The following PTPRM variants were observed in gnomAD, a reference collection of about 807,000 sequenced individuals.
PTPRM encodes protein tyrosine phosphatase receptor type M, also known as receptor-type tyrosine-protein phosphatase mu.
A neutral mutation model predicts 186.7 loss-of-function variants in PTPRM; 47 were observed. The observed-to-expected ratio is 0.25, with a 90% CI of 0.20 to 0.32. The LOEUF (loss-of-function observed/expected upper bound fraction) is 0.32, where lower values mean the gene tolerates loss of function less well. PTPRM is among the 10% of genes least tolerant of loss of function. PTPRM has a pLI of 1.00. For missense variants in PTPRM, 1,494 were observed against 1,865.0 expected, an observed-to-expected ratio of 0.80 and a Z score of 3.66; for synonymous variants, 668 against 674.9, an observed-to-expected ratio of 0.99 and a Z score of 0.16.
At chr18:7,690,183 C>T (rs79201564) in intron 1 of PTPRM, among the ~76,000 whole-genome samples, 1,567 of 152,312 alleles carry the variant, frequency 0.01, 28 homozygotes, top group African/African-American at 0.036. Context: ...TGTTACCATT[C>T]CTGTCTAGAA....
chr18:8,028,636 A>G (rs2085734028), intron 7 of PTPRM, among the ~76,000 whole-genome samples: 1 of 152,312 alleles, frequency 6.6e-6, no homozygotes, highest in South Asian at 2.1e-4. Context: ...CAGTGGCCTT[A>G]ATCAATAAAT....
At position 8,305,030 on chromosome 18, in the gene PTPRM, G is replaced by A. The variant is rs148148155; in HGVS notation, c.2842+8575G>A. 6.4e-3 allele frequency among the ~76,000 whole-genome samples: 981 copies of A among 152,212 alleles called. 6 individuals carry two copies. Among genetic ancestry groups the A allele is most frequent in the African/African-American group, 0.02 (847 of 41,518 alleles). On this transcript the variant is annotated intron_variant, in intron 20 of 32. Coordinates refer to ENST00000580170, the MANE Select transcript of PTPRM (RefSeq NM_001105244.2). ...TGCATACCTACACGTACACCAATGC[G>A]TTTGATTATTTCATGTAAATAGACT...
chr18:8,135,783 C>T (rs1380548087), intron 13 of PTPRM, among the ~76,000 whole-genome samples: 5 of 152,068 alleles, frequency 3.3e-5, no homozygotes, highest in Non-Finnish European at 7.3e-5. Flanking sequence ...GTTCTTAGGC[C>T]CTGTGAAAGT....
intron 1 of PTPRM, among the ~76,000 whole-genome samples, chr18:7,591,604 G>GA (rs1168919205): frequency 2.0e-5 from 3 of 152,102 alleles, no homozygotes; most frequent in Non-Finnish European, 4.4e-5. Flanking sequence ...TTATTTGAGG[G>GA]AAAATAAATG....
intron 1 of PTPRM, among the ~76,000 whole-genome samples, chr18:7,588,352 T>C (rs553371785): frequency 6.6e-5 from 10 of 152,216 alleles, no homozygotes; most frequent in Non-Finnish European, 1.3e-4. Flanking sequence ...TAAATTGTTA[T>C]AGCAGCTAGC....
chr18:7,943,140 C>T (rs2052298374), intron 5 of PTPRM, among the ~76,000 whole-genome samples: 1 of 152,106 alleles, frequency 6.6e-6, no homozygotes, highest in South Asian at 2.1e-4. Context: ...CCCATGCTTC[C>T]TCTCCTGTTG....
chr18:7,815,896 C>T (rs560577911), intron 2 of PTPRM, among the ~76,000 whole-genome samples: 17 of 152,212 alleles, frequency 1.1e-4, no homozygotes, highest in South Asian at 2.1e-4. Flanking sequence ...CATAAGGAAA[C>T]GGCTGCCCTC....
intron 14 of PTPRM, among the ~76,000 whole-genome samples, chr18:8,207,961 C>A (rs1368286349): frequency 1.3e-5 from 2 of 152,098 alleles, no homozygotes; most frequent in African/African-American, 4.8e-5. Flanking sequence ...TATCTGCCAA[C>A]AAATATTCAG....
At chr18:7,720,867 CATTT>C (rs886490252) in intron 1 of PTPRM, among the ~76,000 whole-genome samples, 1 of 151,952 alleles carries the variant, frequency 6.6e-6, no homozygotes, top group African/African-American at 2.4e-5. Context: ...TTTGTCTGTC[CATTT>C]ATTTATCAGT....
intron 14 of PTPRM, among the ~76,000 whole-genome samples, chr18:8,222,451 A>G (rs539992336): frequency 1.2e-4 from 18 of 152,328 alleles, no homozygotes; most frequent in African/African-American, 4.1e-4. Flanking sequence ...TGTCAAGCAT[A>G]TGAGGAAACC....
chr18:8,304,859 A>G (rs1269449237), intron 20 of PTPRM, among the ~76,000 whole-genome samples: 2 of 148,088 alleles, frequency 1.4e-5, no homozygotes, highest in Non-Finnish European at 3.0e-5. Context: ...TTCAATGAGA[A>G]TAGATGTGTT....
chr18:7,687,076 A>T (rs978851731), intron 1 of PTPRM, among the ~76,000 whole-genome samples: 1 of 152,190 alleles, frequency 6.6e-6, no homozygotes, highest in African/African-American at 2.4e-5. Context: ...AACCTCAACT[A>T]ATCTTGTAAT....
intron 11 of PTPRM, among the ~76,000 whole-genome samples, chr18:8,095,822 T>TC (rs1213783756): frequency 6.6e-6 from 1 of 152,164 alleles, no homozygotes; most frequent in Non-Finnish European, 1.5e-5. Flanking sequence ...AAAAATACTG[T>TC]CTGGGGTATT....
In PTPRM at chr18:7,904,282, A is replaced by T. The variant is rs113427073; in HGVS notation, c.469-2223A>T. Reference sequence around the variant, plus strand: ...TTGCCTTCTGTACAATTGTACAAATATGTACAATTTGTTGTGTACAACTTT... The same window carrying T: ...TTGCCTTCTGTACAATTGTACAAATTTGTACAATTTGTTGTGTACAACTTT... On this transcript the variant is annotated intron_variant, in intron 3 of 32. Coordinates refer to ENST00000580170, the MANE Select transcript of PTPRM (RefSeq NM_001105244.2). Among the ~76,000 whole-genome samples the T allele has an allele frequency of 4.1e-3, 617 of 152,302 alleles. 3 individuals are homozygous for T. The highest frequency in any genetic ancestry group is 0.014 in the African/African-American group (595 of 41,560).
intron 1 of PTPRM, among the ~76,000 whole-genome samples, chr18:7,630,375 G>A (rs1423087181): frequency 6.6e-6 from 1 of 152,082 alleles, no homozygotes; most frequent in Non-Finnish European, 1.5e-5. Context: ...GAACAGCCTT[G>A]GATTCCTTGG....
intron 32 of PTPRM, among the ~76,000 whole-genome samples, chr18:8,395,742 C>T (rs935592739): frequency 6.6e-6 from 1 of 152,188 alleles, no homozygotes; most frequent in Non-Finnish European, 1.5e-5. Context: ...CTCCTGCGCC[C>T]CTCCTCCCCA....
intron 7 of PTPRM, among the ~76,000 whole-genome samples, chr18:8,023,127 C>A (rs2147981959): frequency 6.6e-6 from 1 of 152,028 alleles, no homozygotes; most frequent in Admixed American, 6.6e-5. Context: ...AGGACAAGAG[C>A]CAGGGCATTG....
intron 1 of PTPRM, among the ~76,000 whole-genome samples, chr18:7,720,765 G>A (rs1428150173): frequency 2.0e-5 from 3 of 152,028 alleles, no homozygotes; most frequent in African/African-American, 4.8e-5. Flanking sequence ...TTCACTTAGG[G>A]TAATGTCCTT....
intron 20 of PTPRM, among the ~76,000 whole-genome samples, chr18:8,307,083 G>A (rs903836029): frequency 2.0e-5 from 3 of 152,182 alleles, no homozygotes; most frequent in Admixed American, 6.5e-5. Flanking sequence ...GAGAGAGGAC[G>A]CGTAAGAATC....
Sources: allele counts gnomAD v4.1 joint callset (sites outside exome capture counted in the v4.1 genomes callset), GRCh38; gene constraint gnomAD v4.1.1; transcripts MANE v1.5; gene names NCBI Gene and HGNC (gene_info 2026-07-23, HGNC 2026-07-21).